Variants in LGR4 observed in about 807,000 individuals in gnomAD.
LGR4 encodes leucine-rich repeat-containing G protein-coupled receptor 4.
In LGR4, 44 loss-of-function variants were observed where a neutral mutation model predicts 84.8. That is an observed-to-expected ratio of 0.52 (90% CI 0.41 to 0.67). The LOEUF (loss-of-function observed/expected upper bound fraction) is 0.67. LGR4 is among the 30% of genes least tolerant of loss of function. The probability of loss-of-function intolerance (pLI) is 0.00; values close to 1 mark genes in which losing one functional copy is unlikely to be tolerated. For missense variants in LGR4, 1,032 were observed against 1,131.4 expected, an observed-to-expected ratio of 0.91 and a Z score of 1.26; for synonymous variants, 429 against 434.3, an observed-to-expected ratio of 0.99 and a Z score of 0.15.
At chr11:27,462,450 T>A (rs189574880) in intron 1 of LGR4, among the ~76,000 whole-genome samples, 195 of 152,316 alleles carry the variant, frequency 1.3e-3, no homozygotes, top group Non-Finnish European at 1.7e-3. Context: ...CAAGAAGGTA[T>A]CTTTATAAAA....
At chr11:27,454,547 G>T (rs1288692253) in intron 1 of LGR4, among the ~76,000 whole-genome samples, 3 of 152,140 alleles carry the variant, frequency 2.0e-5, no homozygotes, top group Non-Finnish European at 4.4e-5. Context: ...ATTGCCTGAG[G>T]TCAGGAGTTC....
chr11:27,457,165 G>A (rs1386455994), intron 1 of LGR4, among the ~76,000 whole-genome samples: 1 of 152,126 alleles, frequency 6.6e-6, no homozygotes, highest in Non-Finnish European at 1.5e-5. Context: ...GATAAAATGG[G>A]AATCCTGCCA....
chr11:27,469,978 T>C (rs777459344), intron 1 of LGR4, among the ~76,000 whole-genome samples: 1 of 152,202 alleles, frequency 6.6e-6, no homozygotes, highest in Non-Finnish European at 1.5e-5. Context: ...AATGCAAATA[T>C]GCTGTCCTTG....
rs141178229 is a variant in LGR4, at chr11:27,414,375, T to C, written c.186-1515A>G. Reference sequence around the variant, plus strand: ...TATCCATGAATCTCTGGAAGAGCACTTTTGCTTGACAACCGGGGTTTAAAA... The same window carrying C: ...TATCCATGAATCTCTGGAAGAGCACCTTTGCTTGACAACCGGGGTTTAAAA... On this transcript the variant is annotated intron_variant, in intron 1 of 17. Coordinates refer to ENST00000379214, the MANE Select transcript of LGR4 (RefSeq NM_018490.5). 2.9e-3 allele frequency among the ~76,000 whole-genome samples: 446 copies of C among 151,310 alleles called. 3 individuals carry two copies. The highest frequency in any genetic ancestry group is 0.01 in the African/African-American group (429 of 41,050).
chr11:27,381,821 C>G (rs898609492), intron 7 of LGR4, among the ~76,000 whole-genome samples: 2 of 152,202 alleles, frequency 1.3e-5, no homozygotes, highest in African/African-American at 2.4e-5. Context: ...TAACTCCAAA[C>G]TTCAATTAGG....
chr11:27,368,279 AG>A lies in LGR4; in HGVS notation c.2443del (p.Leu815Ter), dbSNP rs1249215436. ...ACTTTTCTTGGTAACACGTCGCTTC[AG>A]TAACTTCCAGTCTTCTTTAAACTTT... is the stretch of plus-strand genomic sequence containing the variant. ...NPKFKEDWKL[L>X]KRRVTKKSGS... On this transcript the variant is annotated frameshift_variant, in exon 18 of 18. Coordinates refer to ENST00000379214, the MANE Select transcript of LGR4 (RefSeq NM_018490.5). LOFTEE classifies it high-confidence loss of function. 1 of 1,614,240 alleles carries A rather than the reference AG, an allele frequency of 6.2e-7. No individual in the cohort carries two copies. The highest frequency in any genetic ancestry group is 1.1e-5 in the South Asian group (1 of 91,090).
At chr11:27,398,586 C>T (rs994232265) in intron 2 of LGR4, among the ~76,000 whole-genome samples, 3 of 152,056 alleles carry the variant, frequency 2.0e-5, no homozygotes, top group Non-Finnish European at 2.9e-5. Flanking sequence ...GCAGCTGTTG[C>T]GAGGAGACGT....
At chr11:27,372,000 G>T (rs1862892895) in intron 16 of LGR4, among the ~76,000 whole-genome samples, 2 of 152,106 alleles carry the variant, frequency 1.3e-5, no homozygotes, top group South Asian at 4.2e-4. Flanking sequence ...AAGTAGTGGG[G>T]AATACAGGCA....
chr11:27,404,086 T>C (rs1435735373), intron 2 of LGR4, among the ~76,000 whole-genome samples: 5 of 152,208 alleles, frequency 3.3e-5, no homozygotes, highest in Non-Finnish European at 7.3e-5. Flanking sequence ...AATTGAATCC[T>C]GCTAGTAGAA....
intron 2 of LGR4, among the ~76,000 whole-genome samples, chr11:27,400,600 T>G (rs1863481005): frequency 6.6e-6 from 1 of 151,948 alleles, no homozygotes; most frequent in African/African-American, 2.4e-5. Flanking sequence ...CCTCCCAGGT[T>G]CAAGCGATTC....
intron 4 of LGR4, 68 bp downstream of exon 4, chr11:27,391,026 C>A: frequency 1.1e-6 from 1 of 878,908 alleles, no homozygotes; most frequent in South Asian, 1.5e-5. Flanking sequence ...CCTTACAATT[C>A]TAGTTATTTA....
At chr11:27,405,269 CA>C (rs1863583316) in intron 2 of LGR4, among the ~76,000 whole-genome samples, 1 of 152,150 alleles carries the variant, frequency 6.6e-6, no homozygotes, top group South Asian at 2.1e-4. Flanking sequence ...CCTCTCCTCC[CA>C]CAGCTCCTGG....
Position 27,371,603 on chromosome 11 carries a change from G to C in LGR4, c.1579+12C>G. Reference sequence around the variant, plus strand: ...TAACATGGGTAACTGTGAAAAAATAGGCCAGGCATACCTGTTGAAGGTGTA... The same window carrying C: ...TAACATGGGTAACTGTGAAAAAATACGCCAGGCATACCTGTTGAAGGTGTA... On this transcript the variant is annotated intron_variant, in intron 17 of 17. Coordinates refer to ENST00000379214, the MANE Select transcript of LGR4 (RefSeq NM_018490.5). 1 of 1,587,454 alleles carries C rather than the reference G, an allele frequency of 6.3e-7. No homozygotes were observed. The highest frequency in any genetic ancestry group is 8.6e-7 in the Non-Finnish European group (1 of 1,158,176).
At chr11:27,429,891 G>T (rs1864087065) in intron 1 of LGR4, among the ~76,000 whole-genome samples, 1 of 152,146 alleles carries the variant, frequency 6.6e-6, no homozygotes, top group South Asian at 2.1e-4. Context: ...GAGACAGGAA[G>T]AGGGGGGACC....
intron 1 of LGR4, among the ~76,000 whole-genome samples, chr11:27,471,488 G>A (rs906266896): frequency 3.3e-5 from 5 of 152,270 alleles, no homozygotes; most frequent in African/African-American, 7.2e-5. Flanking sequence ...CCTGCGTGCT[G>A]CAGAAGCCTG....
At chr11:27,453,792 C>T (rs1864526095) in intron 1 of LGR4, among the ~76,000 whole-genome samples, 1 of 152,032 alleles carries the variant, frequency 6.6e-6, no homozygotes, top group African/African-American at 2.4e-5. Context: ...TTCTGTAAAC[C>T]AAAAATAAAA....
chr11:27,423,285 G>A (rs1318029763), intron 1 of LGR4, among the ~76,000 whole-genome samples: 2 of 152,170 alleles, frequency 1.3e-5, no homozygotes, highest in Non-Finnish European at 2.9e-5. Context: ...TCTAAATGAT[G>A]AGGCAATCCA....
At chr11:27,457,387 C>T (rs1295075328) in intron 1 of LGR4, among the ~76,000 whole-genome samples, 1 of 152,170 alleles carries the variant, frequency 6.6e-6, no homozygotes, top group African/African-American at 2.4e-5. Flanking sequence ...GGGATTACAG[C>T]AACTGCTAGG....
chr11:27,390,568 A>C (rs1046593136), intron 4 of LGR4, among the ~76,000 whole-genome samples: 1 of 152,182 alleles, frequency 6.6e-6, no homozygotes. Context: ...GTCCCATTGC[A>C]TTTGGTATTT....
Sources: gnomAD v4.1 joint callset for allele counts (sites outside exome capture counted in the v4.1 genomes callset) on GRCh38, gnomAD v4.1.1 for gene constraint, MANE v1.5 for transcripts, NCBI Gene and HGNC (gene_info 2026-07-23, HGNC 2026-07-21) for gene names.